Variants in SOX21 observed in about 807,000 individuals in gnomAD.
SOX21 encodes the protein transcription factor SOX-21.
For missense variants in SOX21, 370 were observed against 388.8 expected, an observed-to-expected ratio of 0.95 and a Z score of 0.41; for synonymous variants, 237 against 189.7, an observed-to-expected ratio of 1.25 and a Z score of -2.05.
In SOX21 at chr13:94,712,326, C is replaced by A; in HGVS notation, c.-277G>T. ...CCCCCTCCCCGCGGCGGCAGTTTGC[C>A]CTTTACGTTCTTTGGGTCCTTCGTC... On this transcript the variant is annotated 5_prime_UTR_variant, in exon 1 of 1. Transcript: ENST00000376945. The surrounding 1 kb of genome is among the most constrained non-coding windows in gnomAD (Gnocchi z 5.0). 1 of 1,123,890 alleles carries A rather than the reference C, an allele frequency of 8.9e-7. No homozygotes were observed. The highest frequency in any genetic ancestry group is 4.1e-5 in the South Asian group (1 of 24,502). The allele number at this position is 1,123,890 out of a possible 1,614,324, so 69.6% of individuals were successfully genotyped here.
rs190685474 is a variant in SOX21 at position 94,709,741 on chromosome 13, C to T, written c.*1478G>A. The T allele has an allele frequency of 3.3e-5, 5 of 152,692 alleles. No homozygotes were observed. In the East Asian group the frequency reaches 9.6e-4, roughly 29 times the overall value. The allele number at this position is 152,692 out of a possible 1,614,324, so 9.5% of individuals were successfully genotyped here. A position where few individuals can be genotyped will look rare whatever the true frequency, so the allele number is the denominator to read the frequency against. On this transcript the variant is annotated 3_prime_UTR_variant, in exon 1 of 1. Transcript: ENST00000376945. ...GACGTCTAATATTAAATTAGAAGGT[C>T]ACACTAGAAAATCATTTACACATAA...
Position 94,711,716 on chromosome 13 carries a change from T to C in SOX21, c.334A>G (p.Lys112Glu). The C allele has an allele frequency of 6.3e-7, 1 of 1,593,770 alleles. No individual in the cohort carries two copies. Among genetic ancestry groups the C allele is most frequent in the Non-Finnish European group, 8.5e-7 (1 of 1,172,254 alleles). ...CCCGCGTGCAGCCCGGCGCCCGCCT[T>C]GAGCGCAGGGTGCTCGGCGTCCGCC... ...GVADAEHPAL[K>E]AGAGLHAGAG... The change falls in exon 1 of 1, where the codon AAG becomes GAG. Residue 112 changes from lysine (K) to glutamate (E), a missense_variant. Physicochemically the swap from Lys to Glu is moderately conservative, Grantham distance 56. Transcript: ENST00000376945.
In SOX21 at chr13:94,711,621, A is replaced by C. The variant is rs1038884200; in HGVS notation, c.429T>G (p.Ala143=). ...NPEKAAAAAA[A]AAARVFFPQS... ...GCGGGAAGAAGACGCGTGCGGCGGC[A>C]GCGGCGGCGGCCGCGGCCGCCTTCT... The change falls in exon 1 of 1, where the codon GCT becomes GCG. Residue 143 remains alanine, a synonymous_variant. Transcript: ENST00000376945. 3.7e-5 allele frequency: 45 copies of C among 1,228,308 alleles called. No individual in the cohort carries two copies. The highest frequency in any genetic ancestry group is 3.1e-4 in the Middle Eastern group (1 of 3,212). 76.1% of individuals were successfully genotyped at this position (1,228,308 alleles called of 1,614,324 possible).
In SOX21 at chr13:94,711,528, G is replaced by C. The variant is rs1302281984; in HGVS notation, c.522C>G (p.Asp174Glu). 2.1e-5 allele frequency: 22 copies of C among 1,035,456 alleles called. No homozygotes were observed. Among genetic ancestry groups the C allele is most frequent in the Non-Finnish European group, 2.6e-5 (22 of 854,322 alleles). 64.1% of individuals were successfully genotyped at this position (1,035,456 alleles called of 1,614,324 possible). ...AGATCTCTGCCATTTTGGAGCCCAG[G>C]TCGAGCAGCGAGTAGGGGCTGCCCG... ...AAAGSPYSLL[D>E]LGSKMAEISS... Residue 174 changes from aspartate (D) to glutamate (E), a missense_variant, in exon 1 of 1, where the codon GAC (aspartate) becomes GAG (glutamate). Transcript: ENST00000376945.
At position 94,711,382 on chromosome 13, in the gene SOX21, G is replaced by T. The variant is rs1437951679; in HGVS notation, c.668C>A (p.Thr223Lys). Residue 223 changes from threonine to lysine, a missense_variant, in exon 1 of 1, where the codon ACG becomes AAG. By Grantham distance (78) the Thr-to-Lys change is moderately conservative. Transcript: ENST00000376945. ...GTTGCCCGGGCTGGGGTGCGAGTGC[G>T]TGTGCCCCCCGGCGGCGGCGGCCGC... ...AAAAAAAGGH[T>K]HSHPSPGNPG... is the part of the protein sequence containing the mutation. 1.6e-6 allele frequency: 2 copies of T among 1,247,880 alleles called. No individual in the cohort carries two copies. Among genetic ancestry groups the T allele is most frequent in the Admixed American group, 4.3e-5 (1 of 23,312 alleles). 77.3% of individuals were successfully genotyped at this position (1,247,880 alleles called of 1,614,324 possible).
chr13:94,712,043 T>C lies in SOX21; in HGVS notation c.7A>G (p.Lys3Glu). The C allele has an allele frequency of 6.2e-7, 1 of 1,613,204 alleles. No homozygotes were observed. The highest frequency in any genetic ancestry group is 8.5e-7 in the Non-Finnish European group (1 of 1,179,642). Residue 3 changes from lysine to glutamate, a missense_variant, in exon 1 of 1, where the codon AAG becomes GAG. By Grantham distance (56) the Lys-to-Glu change is moderately conservative. Transcript: ENST00000376945. This position sits in a 1 kb window ranked among gnomAD's most constrained non-coding sequence, Gnocchi z 5.0. Reference protein sequence around the residue: MSKPVDHVKRPMN... With the variant: MSEPVDHVKRPMN... ...GGCCGCTTGACGTGGTCCACCGGCTTGGACATGCTCTCGCCCTGCCGCGGC... is the reference window on the plus strand; with the variant it reads ...GGCCGCTTGACGTGGTCCACCGGCTCGGACATGCTCTCGCCCTGCCGCGGC...
chr13:94,712,494 G>C lies in SOX21; in HGVS notation c.-445C>G, dbSNP rs1365467054. On this transcript the variant is annotated 5_prime_UTR_variant, in exon 1 of 1. Transcript: ENST00000376945. The surrounding 1 kb of genome is among the most constrained non-coding windows in gnomAD (Gnocchi z 5.0). Reference sequence around the variant, plus strand: ...TCCTCGAAGTTGAGCCGAGGAGCCCGCCGCCGCGTGCTGCCAAGTGCCAAA... The same window carrying C: ...TCCTCGAAGTTGAGCCGAGGAGCCCCCCGCCGCGTGCTGCCAAGTGCCAAA... The C allele has an allele frequency of 1.0e-6, 1 of 988,028 alleles. No individual in the cohort carries two copies. Among genetic ancestry groups the C allele is most frequent in the Non-Finnish European group, 1.2e-6 (1 of 832,230 alleles). 61.2% of individuals were successfully genotyped at this position (988,028 alleles called of 1,614,324 possible).
In SOX21 at chr13:94,711,364, G is replaced by C; in HGVS notation, c.686C>G (p.Pro229Arg). 4 of 1,255,230 alleles carry C rather than the reference G, an allele frequency of 3.2e-6. No individual in the cohort carries two copies. The highest frequency in any genetic ancestry group is 4.0e-6 in the Non-Finnish European group (4 of 1,001,672). The allele number at this position is 1,255,230 out of a possible 1,614,324, so 77.8% of individuals were successfully genotyped here. The change falls in exon 1 of 1, where the codon CCG becomes CGG. Residue 229 changes from proline to arginine, a missense_variant. Coordinates refer to ENST00000376945, the MANE Select transcript of SOX21 (RefSeq NM_007084.4). Reference protein sequence around the residue: ...AGGHTHSHPSPGNPGYMIPCN... With the variant: ...AGGHTHSHPSRGNPGYMIPCN... ...CGGGATCATGTAGCCCGGGTTGCCCGGGCTGGGGTGCGAGTGCGTGTGCCC... is the reference window on the plus strand; with the variant it reads ...CGGGATCATGTAGCCCGGGTTGCCCCGGCTGGGGTGCGAGTGCGTGTGCCC...
chr13:94,711,138 G>A lies in SOX21; in HGVS notation c.*81C>T. On this transcript the variant is annotated 3_prime_UTR_variant, in exon 1 of 1. Transcript: ENST00000376945. ...AAACCGGGCCCCCGGTCGCGGGAGG[G>A]CGCACGGGGAGGCCGCAGCGCTCGT... 1 of 1,205,136 alleles carries A rather than the reference G, an allele frequency of 8.3e-7. No individual in the cohort carries two copies. The allele number at this position is 1,205,136 out of a possible 1,614,324, so 74.7% of individuals were successfully genotyped here.
Position 94,712,263 on chromosome 13 carries a change from GCAGGTTGT to G in SOX21, c.-222_-215del. 8.2e-7 allele frequency: 1 copy of G among 1,217,250 alleles called. No homozygotes were observed. 75.4% of individuals were successfully genotyped at this position (1,217,250 alleles called of 1,614,324 possible). On this transcript the variant is annotated 5_prime_UTR_variant, in exon 1 of 1. Coordinates refer to ENST00000376945, the MANE Select transcript of SOX21 (RefSeq NM_007084.4). This position sits in a 1 kb window ranked among gnomAD's most constrained non-coding sequence, Gnocchi z 5.0. Reference sequence around the variant, plus strand: ...TTAGTGTCTCCGGCCGAGCGCTCGAGCAGGTTGTCTCTGGGACACTCTAACTTCTCGGC... The same window carrying G: ...TTAGTGTCTCCGGCCGAGCGCTCGAGCTCTGGGACACTCTAACTTCTCGGC...
rs943202014 is a variant in SOX21 at position 94,709,753 on chromosome 13, T to G, written c.*1466A>C. 2 of 152,600 alleles carry G rather than the reference T, an allele frequency of 1.3e-5. No individual in the cohort carries two copies. Among genetic ancestry groups the G allele is most frequent in the African/African-American group, 4.8e-5 (2 of 41,440 alleles). The allele number at this position is 152,600 out of a possible 1,614,324, so 9.5% of individuals were successfully genotyped here. On this transcript the variant is annotated 3_prime_UTR_variant, in exon 1 of 1. Transcript: ENST00000376945. Reference sequence around the variant, plus strand: ...TAAATTAGAAGGTCACACTAGAAAATCATTTACACATAAAGGTTAAAACCA... The same window carrying G: ...TAAATTAGAAGGTCACACTAGAAAAGCATTTACACATAAAGGTTAAAACCA...
chr13:94,711,138 G>T lies in SOX21; in HGVS notation c.*81C>A. ...AAACCGGGCCCCCGGTCGCGGGAGG[G>T]CGCACGGGGAGGCCGCAGCGCTCGT... is the stretch of plus-strand genomic sequence containing the variant. On this transcript the variant is annotated 3_prime_UTR_variant, in exon 1 of 1. Coordinates refer to ENST00000376945, the MANE Select transcript of SOX21 (RefSeq NM_007084.4). 1 of 1,205,134 alleles carries T rather than the reference G, an allele frequency of 8.3e-7. No homozygotes were observed. Among genetic ancestry groups the T allele is most frequent in the Non-Finnish European group, 1.0e-6 (1 of 962,388 alleles). The allele number at this position is 1,205,134 out of a possible 1,614,324, so 74.7% of individuals were successfully genotyped here. A position where few individuals can be genotyped will look rare whatever the true frequency, so the allele number is the denominator to read the frequency against.
chr13:94,709,731 A>G lies in SOX21; in HGVS notation c.*1488T>C, dbSNP rs1055485314. The G allele has an allele frequency of 6.6e-6, 1 of 152,670 alleles. No homozygotes were observed. The highest frequency in any genetic ancestry group is 2.4e-5 in the African/African-American group (1 of 41,466). The allele number at this position is 152,670 out of a possible 1,614,324, so 9.5% of individuals were successfully genotyped here. A position where few individuals can be genotyped will look rare whatever the true frequency, so the allele number is the denominator to read the frequency against. On this transcript the variant is annotated 3_prime_UTR_variant, in exon 1 of 1. Coordinates refer to ENST00000376945, the MANE Select transcript of SOX21 (RefSeq NM_007084.4). ...ATATACCTTAGACGTCTAATATTAA[A>G]TTAGAAGGTCACACTAGAAAATCAT...
chr13:94,711,452 C>T lies in SOX21; in HGVS notation c.598G>A (p.Ala200Thr), dbSNP rs1376525175. The T allele has an allele frequency of 8.9e-7, 1 of 1,124,588 alleles. No homozygotes were observed. The highest frequency in any genetic ancestry group is 1.1e-6 in the Non-Finnish European group (1 of 914,148). 69.7% of individuals were successfully genotyped at this position (1,124,588 alleles called of 1,614,324 possible). Reference sequence around the variant, plus strand: ...GCGCCGTGGAAGGCGCCCGCGCCCGCGGTCGGGTAGCCCAGCGACGACGCG... The same window carrying T: ...GCGCCGTGGAAGGCGCCCGCGCCCGTGGTCGGGTAGCCCAGCGACGACGCG... ...PYASSLGYPT[A>T]GAGAFHGAAA... The change falls in exon 1 of 1, where the codon GCG (alanine) becomes ACG (threonine). Residue 200 changes from alanine (A) to threonine (T), a missense_variant. Physicochemically the swap from Ala to Thr is moderately conservative, Grantham distance 58. Coordinates refer to ENST00000376945, the MANE Select transcript of SOX21 (RefSeq NM_007084.4).
rs1439049576 is a variant in SOX21, at chr13:94,711,402, GGCCGCCGCTGCAGCCGCC to G, written c.630_647del (p.Ala214_Ala219del). 3 of 739,454 alleles carry G rather than the reference GGCCGCCGCTGCAGCCGCC, an allele frequency of 4.1e-6. No homozygotes were observed. The highest frequency in any genetic ancestry group is 6.1e-5 in the South Asian group (1 of 16,312). 45.8% of individuals were successfully genotyped at this position (739,454 alleles called of 1,614,324 possible). A position where few individuals can be genotyped will look rare whatever the true frequency, so the allele number is the denominator to read the frequency against. On this transcript the variant is annotated inframe_deletion, in exon 1 of 1. Coordinates refer to ENST00000376945, the MANE Select transcript of SOX21 (RefSeq NM_007084.4). ...AGTGCGTGTGCCCCCCGGCGGCGGC[GGCCGCCGCTGCAGCCGCC>G]GCCGCCGCGCCGTGGAAGGCGCCCG...
In SOX21 at chr13:94,710,979, G is replaced by A; in HGVS notation, c.*240C>T. The A allele has an allele frequency of 5.3e-6, 2 of 376,002 alleles. No homozygotes were observed. Among genetic ancestry groups the A allele is most frequent in the East Asian group, 3.9e-5 (1 of 25,966 alleles). 23.3% of individuals were successfully genotyped at this position (376,002 alleles called of 1,614,324 possible). A position where few individuals can be genotyped will look rare whatever the true frequency, so the allele number is the denominator to read the frequency against. ...CACACAACCGCCTGCTTTCGAGTTG[G>A]CTGCCGAAGTGCGGGTCTGAAATGA... is the stretch of plus-strand genomic sequence containing the variant. On this transcript the variant is annotated 3_prime_UTR_variant, in exon 1 of 1. Coordinates refer to ENST00000376945, the MANE Select transcript of SOX21 (RefSeq NM_007084.4).
In SOX21 at chr13:94,712,162, GCGCCCCGGCGTCGCTCC is replaced by G; in HGVS notation, c.-130_-114del. On this transcript the variant is annotated 5_prime_UTR_variant, in exon 1 of 1. Coordinates refer to ENST00000376945, the MANE Select transcript of SOX21 (RefSeq NM_007084.4). This position sits in a 1 kb window ranked among gnomAD's most constrained non-coding sequence, Gnocchi z 5.0. ...CCCGCTCGGCCGGCCGGGGCTCGTCGCGCCCCGGCGTCGCTCCCGCCCCGGAGGAGGGGGCTGGGGGA... is the reference window on the plus strand; with the variant it reads ...CCCGCTCGGCCGGCCGGGGCTCGTCGCGCCCCGGAGGAGGGGGCTGGGGGA... 1 of 1,402,444 alleles carries G rather than the reference GCGCCCCGGCGTCGCTCC, an allele frequency of 7.1e-7. No individual in the cohort carries two copies. Among genetic ancestry groups the G allele is most frequent in the Non-Finnish European group, 9.2e-7 (1 of 1,083,928 alleles). The allele number at this position is 1,402,444 out of a possible 1,614,324, so 86.9% of individuals were successfully genotyped here.
Position 94,711,831 on chromosome 13 carries a change from G to A in SOX21, c.219C>T (p.Pro73=), listed in dbSNP as rs1594516002. Residue 73 remains proline (P), a synonymous_variant, in exon 1 of 1, where the codon CCC becomes CCT. Transcript: ENST00000376945. ...TGCGCCGCGGCCGGTACTTGTAGTC[G>A]GGGTGCTCCTTCATGTGCATGGCGC... The part of the protein sequence containing the change: ...RLRAMHMKEH[P]DYKYRPRRKP... 2 of 1,613,938 alleles carry A rather than the reference G, an allele frequency of 1.2e-6. No individual in the cohort carries two copies. The highest frequency in any genetic ancestry group is 1.7e-6 in the Non-Finnish European group (2 of 1,179,938).
rs369089208 is a variant in SOX21, at chr13:94,712,017, G to T, written c.33C>A (p.Pro11=). Residue 11 remains proline, a synonymous_variant, in exon 1 of 1, where the codon CCC becomes CCA. Coordinates refer to ENST00000376945, the MANE Select transcript of SOX21 (RefSeq NM_007084.4). This position sits in a 1 kb window ranked among gnomAD's most constrained non-coding sequence, Gnocchi z 5.0. MSKPVDHVKR[P]MNAFMVWSRA... ...GCGACCACACCATGAAGGCGTTCAT[G>T]GGCCGCTTGACGTGGTCCACCGGCT... The T allele has an allele frequency of 1.4e-4, 222 of 1,613,790 alleles. No homozygotes were observed. Among genetic ancestry groups the T allele is most frequent in the Non-Finnish European group, 1.8e-4 (218 of 1,179,918 alleles).
Sources: allele counts gnomAD v4.1 joint callset, GRCh38; gene constraint gnomAD v4.1.1; non-coding constraint Gnocchi (gnomAD v3.1); transcripts MANE v1.5; gene names NCBI Gene and HGNC (gene_info 2026-07-23, HGNC 2026-07-21).